Variants in ARRDC1 observed in about 807,000 individuals in gnomAD.
ARRDC1 encodes arrestin domain-containing protein 1.
In ARRDC1, 37 loss-of-function variants were observed where a neutral mutation model predicts 40.1. The ratio of observed to expected loss-of-function variants is 0.92; its 90% CI spans 0.71 to 1.21. The LOEUF (loss-of-function observed/expected upper bound fraction) is 1.21, where lower values mean the gene tolerates loss of function less well. ARRDC1 is among the 50% of genes most tolerant of loss of function. ARRDC1 has a pLI of 0.00. For missense variants in ARRDC1, 641 were observed against 581.9 expected, an observed-to-expected ratio of 1.10 and a Z score of -1.04; for synonymous variants, 310 against 262.5, an observed-to-expected ratio of 1.18 and a Z score of -1.75.
chr9:137,613,484 G>A lies in ARRDC1; in HGVS notation c.254G>A (p.Ser85Asn). The A allele has an allele frequency of 6.2e-7, 1 of 1,613,156 alleles. No individual in the cohort carries two copies. Among genetic ancestry groups the A allele is most frequent in the African/African-American group, 1.3e-5 (1 of 75,064 alleles). Reference sequence around the variant, plus strand: ...GGGAGCCTGCCCGCTGGAGAGCACAGCTTCCCCTTCCAGTTCCTGCTTCCT... The same window carrying A: ...GGGAGCCTGCCCGCTGGAGAGCACAACTTCCCCTTCCAGTTCCTGCTTCCT... ...DKGSLPAGEHSFPFQFLLPAT... is the reference protein window; with the variant it reads ...DKGSLPAGEHNFPFQFLLPAT... Residue 85 changes from serine (S) to asparagine (N), a missense_variant, in exon 3 of 8, where the codon AGC (serine) becomes AAC (asparagine). Transcript: ENST00000371421.
intron 1 of ARRDC1, among the ~76,000 whole-genome samples, chr9:137,609,847 G>A (rs1842482830): frequency 6.6e-6 from 1 of 152,086 alleles, no homozygotes; most frequent in African/African-American, 2.4e-5. Context: ...TTTAATATTT[G>A]TCAATCTGAT....
chr9:137,609,139 C>G (rs1842470864), intron 1 of ARRDC1, among the ~76,000 whole-genome samples: 1 of 152,188 alleles, frequency 6.6e-6, no homozygotes, highest in Non-Finnish European at 1.5e-5. Flanking sequence ...TACAGTAGAC[C>G]TGTCCCACTC....
chr9:137,605,687 T>G lies in ARRDC1; in HGVS notation c.-31T>G. On this transcript the variant is annotated 5_prime_UTR_variant, in exon 1 of 8. Coordinates refer to ENST00000371421, the MANE Select transcript of ARRDC1 (RefSeq NM_152285.4). Reference sequence around the variant, plus strand: ...GACTCGCGGGCGGCGGGCGGGGGCGTCGCTGCGCGGCTGGCCGGTGAGGCC... The same window carrying G: ...GACTCGCGGGCGGCGGGCGGGGGCGGCGCTGCGCGGCTGGCCGGTGAGGCC... 1 of 1,293,160 alleles carries G rather than the reference T, an allele frequency of 7.7e-7. No homozygotes were observed. Among genetic ancestry groups the G allele is most frequent in the African/African-American group, 1.6e-5 (1 of 62,742 alleles). 80.1% of individuals were successfully genotyped at this position (1,293,160 alleles called of 1,614,324 possible).
chr9:137,608,711 C>G (rs1293516298), intron 1 of ARRDC1, among the ~76,000 whole-genome samples: 1 of 152,262 alleles, frequency 6.6e-6, no homozygotes, highest in African/African-American at 2.4e-5. Flanking sequence ...CCAGCCTGAC[C>G]TGAAGCAGTT....
At chr9:137,608,571 G>A (rs1383311657) in intron 1 of ARRDC1, among the ~76,000 whole-genome samples, 1 of 152,258 alleles carries the variant, frequency 6.6e-6, no homozygotes, top group Non-Finnish European at 1.5e-5. Flanking sequence ...TGGACCCCAT[G>A]TATTGCTCTG....
chr9:137,613,974 G>A (rs776559983), intron 4 of ARRDC1, 58 bp from the exon 5 acceptor site: 2 of 1,596,050 alleles, frequency 1.3e-6, no homozygotes, highest in African/African-American at 2.7e-5. Flanking sequence ...CTGTCCCAAT[G>A]CCACAGGGAT....
Position 137,614,203 on chromosome 9 carries a change from A to C in ARRDC1, c.607A>C (p.Ser203Arg). The C allele has an allele frequency of 6.3e-7, 1 of 1,596,030 alleles. No individual in the cohort carries two copies. Among genetic ancestry groups the C allele is most frequent in the Non-Finnish European group, 8.6e-7 (1 of 1,167,672 alleles). ...SGKDTSPVVA[S>R]LLQKVSYKAK... ...CAAGGACACCAGCCCTGTGGTGGCC[A>C]GTCTGCTGCAGGTCAGAGCCCCCGC... Residue 203 changes from serine to arginine, a missense_variant, in exon 5 of 8, where the codon AGT becomes CGT. Physicochemically the swap from Ser to Arg is moderately radical, Grantham distance 110. Coordinates refer to ENST00000371421, the MANE Select transcript of ARRDC1 (RefSeq NM_152285.4).
chr9:137,608,044 G>T (rs1254921939), intron 1 of ARRDC1, among the ~76,000 whole-genome samples: 1 of 152,050 alleles, frequency 6.6e-6, no homozygotes. Flanking sequence ...GTGTGCCGGC[G>T]CGATCTCGGC....
intron 1 of ARRDC1, among the ~76,000 whole-genome samples, chr9:137,610,855 G>A (rs1483560314): frequency 6.6e-6 from 1 of 152,004 alleles, no homozygotes; most frequent in Non-Finnish European, 1.5e-5. Context: ...GAGCCACCGT[G>A]CCCGGCCTTT....
intron 1 of ARRDC1, among the ~76,000 whole-genome samples, chr9:137,606,538 C>T (rs1842426639): frequency 6.6e-6 from 1 of 152,270 alleles, no homozygotes; most frequent in Admixed American, 6.5e-5. Flanking sequence ...GCTGGGCCCG[C>T]GCGTGGGTAA....
At chr9:137,610,420 A>T (rs1842494416) in intron 1 of ARRDC1, among the ~76,000 whole-genome samples, 1 of 151,670 alleles carries the variant, frequency 6.6e-6, no homozygotes, top group African/African-American at 2.4e-5. Flanking sequence ...TTTTGAGATG[A>T]AGTCTCGCTC....
rs1312918943 is a variant in ARRDC1, at chr9:137,605,831, C to T, written c.114C>T (p.Phe38=). ...TGCGCCTGGGGGCACCGCTGCCGTTCCGAGGTGGGCGCGGGTCCTCGGGGA... is the reference window on the plus strand; with the variant it reads ...TGCGCCTGGGGGCACCGCTGCCGTTTCGAGGTGGGCGCGGGTCCTCGGGGA... ...VRVRLGAPLP[F]RAIRVTCIGS... The change falls in exon 1 of 8, where the codon TTC becomes TTT. Residue 38 remains phenylalanine, a synonymous_variant. Transcript: ENST00000371421. The T allele has an allele frequency of 4.0e-6, 5 of 1,254,864 alleles. No individual in the cohort carries two copies. Among genetic ancestry groups the T allele is most frequent in the Admixed American group, 8.5e-5 (2 of 23,556 alleles). The allele number at this position is 1,254,864 out of a possible 1,614,324, so 77.7% of individuals were successfully genotyped here. A position where few individuals can be genotyped will look rare whatever the true frequency, so the allele number is the denominator to read the frequency against.
rs768196451 is a variant in ARRDC1, at chr9:137,613,520, C to T, written c.280+10C>T. ...CAGTTCCTGCTTCCTGGTGAGAGCC[C>T]AGCCTGGACAGGCCTGGTGATGACC... On this transcript the variant is annotated intron_variant, in intron 3 of 7. Transcript: ENST00000371421. 2.5e-6 allele frequency: 4 copies of T among 1,613,714 alleles called. No individual in the cohort carries two copies. The African/African-American group carries it at 4.0e-5, about 16-fold the overall frequency.
chr9:137,613,261 C>T, intron 2 of ARRDC1, 199 bp from the exon 3 acceptor site: 1 of 761,094 alleles, frequency 1.3e-6, no homozygotes, highest in African/African-American at 1.7e-5. Flanking sequence ...ATTCCCAAAC[C>T]ACTCTCCTGT....
intron 4 of ARRDC1, 95 bp downstream of exon 4, chr9:137,613,864 C>G: frequency 6.4e-7 from 1 of 1,557,232 alleles, no homozygotes; most frequent in Non-Finnish European, 8.8e-7. Flanking sequence ...GCGTCCTGTC[C>G]CCAGCTGAGG....
chr9:137,608,720 T>C (rs756127201), intron 1 of ARRDC1, among the ~76,000 whole-genome samples: 30 of 152,238 alleles, frequency 2.0e-4, no homozygotes, highest in Non-Finnish European at 2.9e-5. Context: ...CCTGAAGCAG[T>C]TGCTGAGAGG....
At chr9:137,613,040 CCTGGGGGCAG>C (rs759305097) in intron 2 of ARRDC1, 34 bp downstream of exon 2, 1 of 1,531,382 alleles carries the variant, frequency 6.5e-7, no homozygotes, top group Non-Finnish European at 9.0e-7. Context: ...AGTGGTGACC[CCTGGGGGCAG>C]CCCTTGGAGT....
intron 1 of ARRDC1, among the ~76,000 whole-genome samples, chr9:137,609,215 T>C (rs1480346858): frequency 6.6e-6 from 1 of 152,146 alleles, no homozygotes; most frequent in East Asian, 1.9e-4. Flanking sequence ...TCCACCTCCC[T>C]CCAACGTGTG....
chr9:137,613,446 T>C lies in ARRDC1; in HGVS notation c.230-14T>C, dbSNP rs1405109369. On this transcript the variant is annotated splice_polypyrimidine_tract_variant and intron_variant, in intron 2 of 7. Transcript: ENST00000371421. Reference sequence around the variant, plus strand: ...AGGGGGGGACTGCCCCCCACCTCCCTCCTGTCTCTGCAGGGAGCCTGCCCG... The same window carrying C: ...AGGGGGGGACTGCCCCCCACCTCCCCCCTGTCTCTGCAGGGAGCCTGCCCG... 6.2e-7 allele frequency: 1 copy of C among 1,609,590 alleles called. No homozygotes were observed. The highest frequency in any genetic ancestry group is 1.3e-5 in the African/African-American group (1 of 74,846).
Sources: allele counts gnomAD v4.1 joint callset (sites outside exome capture counted in the v4.1 genomes callset), GRCh38; gene constraint gnomAD v4.1.1; transcripts MANE v1.5; gene names NCBI Gene and HGNC (gene_info 2026-07-23, HGNC 2026-07-21).